The following FHOD3 variants were observed in gnomAD, a reference collection of about 807,000 sequenced individuals.
FHOD3 encodes FH1/FH2 domain-containing protein 3.
FHOD3 carries 90 observed loss-of-function variants against 173.0 expected under a neutral mutation model. The observed-to-expected ratio is 0.52, with a 90% confidence interval of 0.44 to 0.62. The LOEUF (loss-of-function observed/expected upper bound fraction) is 0.62, where lower values mean the gene tolerates loss of function less well. Ranked by LOEUF, FHOD3 falls within the 20% of genes least tolerant of loss-of-function variation. FHOD3 has a pLI of 0.00. For missense variants in FHOD3, 1,945 were observed against 2,034.7 expected, an observed-to-expected ratio of 0.96 and a Z score of 0.85; for synonymous variants, 828 against 823.0, an observed-to-expected ratio of 1.01 and a Z score of -0.10.
chr18:36,755,012 A>ATTAT (rs1555838803), intron 24 of FHOD3, 107 bp from the exon 25 acceptor site: 10 of 231,244 alleles, frequency 4.3e-5, no homozygotes, highest in South Asian at 2.4e-4. Context: ...TATTATTATT[A>ATTAT]TTATTTATTT....
rs369053164 is a variant in FHOD3, at chr18:36,765,407, T to C, written c.4625-3858T>C. Among the ~76,000 whole-genome samples the C allele has an allele frequency of 4.6e-4, 70 of 152,298 alleles. 1 individual carries two copies. The South Asian group carries it at 0.014, about 31-fold the overall frequency. ...AATGCTGACTTCAGTCTCTACGTTC[T>C]TCTATACACAAAGTCCAGTGTAATA... On this transcript the variant is annotated intron_variant, in intron 27 of 28. Coordinates refer to ENST00000590592, the MANE Select transcript of FHOD3 (RefSeq NM_001281740.3).
chr18:36,780,204 AGAGT>A lies in FHOD3; in HGVS notation c.*679_*682del, dbSNP rs2043970964. 1.6e-6 allele frequency: 2 copies of A among 1,231,534 alleles called. No homozygotes were observed. The highest frequency in any genetic ancestry group is 2.0e-6 in the Non-Finnish European group (2 of 987,758). 76.3% of individuals were successfully genotyped at this position (1,231,534 alleles called of 1,614,324 possible). Reference sequence around the variant, plus strand: ...ATCCTTTGGGCTGTATTTTGTTAATAGAGTGAGTAACATCAACAGTGTGCTCTTT... The same window carrying A: ...ATCCTTTGGGCTGTATTTTGTTAATAGAGTAACATCAACAGTGTGCTCTTT... On this transcript the variant is annotated 3_prime_UTR_variant, in exon 29 of 29. Coordinates refer to ENST00000590592, the MANE Select transcript of FHOD3 (RefSeq NM_001281740.3).
chr18:36,561,704 A>G (rs1422093227), intron 5 of FHOD3, among the ~76,000 whole-genome samples: 1 of 152,172 alleles, frequency 6.6e-6, no homozygotes, highest in Non-Finnish European at 1.5e-5. Context: ...CCCATTAGGA[A>G]CTAGCTCCTC....
intron 13 of FHOD3, among the ~76,000 whole-genome samples, chr18:36,656,247 C>T (rs551697259): frequency 2.0e-5 from 3 of 152,260 alleles, no homozygotes; most frequent in South Asian, 2.1e-4. Context: ...TGCTTTTGTG[C>T]TTCCTATGTG....
chr18:36,653,023 T>C (rs1311441739), intron 12 of FHOD3, 94 bp downstream of exon 12: 4 of 1,431,364 alleles, frequency 2.8e-6, no homozygotes, highest in Non-Finnish European at 3.7e-6. Context: ...TCTGCCATGT[T>C]TTTTTGTGGA....
At chr18:36,450,857 C>A (rs1438262601) in intron 3 of FHOD3, among the ~76,000 whole-genome samples, 2 of 152,118 alleles carry the variant, frequency 1.3e-5, no homozygotes, top group Non-Finnish European at 2.9e-5. Flanking sequence ...GAGACTTTTT[C>A]AAAAGCATGC....
Position 36,337,171 on chromosome 18 carries a change from C to CAG in FHOD3, c.166-18367_166-18366insGA, listed in dbSNP as rs1555674347. Among the ~76,000 whole-genome samples, 173 of 63,698 alleles carry CAG rather than the reference C, an allele frequency of 2.7e-3. 2 individuals carry two copies. The highest frequency in any genetic ancestry group is 2.3e-3 in the South Asian group (5 of 2,158). 41.8% of individuals were successfully genotyped at this position (63,698 alleles called of 152,430 possible). A position where few individuals can be genotyped will look rare whatever the true frequency, so the allele number is the denominator to read the frequency against. On this transcript the variant is annotated intron_variant, in intron 1 of 28. Coordinates refer to ENST00000590592, the MANE Select transcript of FHOD3 (RefSeq NM_001281740.3). Reference sequence around the variant, plus strand: ...TGGGTGAAAGAGTGAGACTCTGTCTCAAAAAAAAAAAAAAAAAAGTTAATT... The same window carrying CAG: ...TGGGTGAAAGAGTGAGACTCTGTCTCAGAAAAAAAAAAAAAAAAAAGTTAATT...
At chr18:36,488,505 T>C (rs188444834) in intron 3 of FHOD3, among the ~76,000 whole-genome samples, 1 of 152,190 alleles carries the variant, frequency 6.6e-6, no homozygotes, top group Non-Finnish European at 1.5e-5. Flanking sequence ...AGGCATCTTA[T>C]AGCCCTGAGT....
At chr18:36,303,847 G>C (rs2092019795) in intron 1 of FHOD3, among the ~76,000 whole-genome samples, 1 of 152,022 alleles carries the variant, frequency 6.6e-6, no homozygotes, top group African/African-American at 2.4e-5. Flanking sequence ...CTCCATTAGA[G>C]AGACAATCAG....
intron 1 of FHOD3, among the ~76,000 whole-genome samples, chr18:36,322,571 G>C (rs1225554479): frequency 2.6e-5 from 4 of 152,074 alleles, no homozygotes; most frequent in African/African-American, 7.2e-5. Flanking sequence ...TGGGGGATTG[G>C]TGGGCACAGT....
At chr18:36,770,686 C>A (rs757883626) in intron 28 of FHOD3, among the ~76,000 whole-genome samples, 6 of 152,066 alleles carry the variant, frequency 3.9e-5, no homozygotes, top group African/African-American at 9.7e-5. Flanking sequence ...TGCTTCTGGC[C>A]CTTGGTACAC....
intron 5 of FHOD3, among the ~76,000 whole-genome samples, 185 bp downstream of exon 5, chr18:36,512,728 G>A (rs1311284309): frequency 1.3e-5 from 2 of 152,056 alleles, no homozygotes; most frequent in Non-Finnish European, 2.9e-5. Context: ...CTAGTAATTA[G>A]CAACTGTGCT....
intron 5 of FHOD3, among the ~76,000 whole-genome samples, chr18:36,567,527 T>C (rs982995319): frequency 1.3e-5 from 2 of 152,192 alleles, no homozygotes; most frequent in East Asian, 3.8e-4. Flanking sequence ...CTATAAAACC[T>C]ATAAAGACAA....
At chr18:36,439,479 A>G (rs1316488504) in intron 3 of FHOD3, among the ~76,000 whole-genome samples, 2 of 149,338 alleles carry the variant, frequency 1.3e-5, no homozygotes, top group Non-Finnish European at 3.0e-5. Flanking sequence ...TGTGCATGTG[A>G]CTGTATTAGT....
At chr18:36,435,065 T>C (rs953832033) in intron 3 of FHOD3, among the ~76,000 whole-genome samples, 1 of 151,602 alleles carries the variant, frequency 6.6e-6, no homozygotes, top group African/African-American at 2.4e-5. Context: ...TAACCTTAAT[T>C]TACTGATGGT....
chr18:36,753,724 A>G (rs1373336435), intron 24 of FHOD3, among the ~76,000 whole-genome samples: 1 of 152,192 alleles, frequency 6.6e-6, no homozygotes, highest in African/African-American at 2.4e-5. Context: ...CATTTGTTCT[A>G]GCCTGTCTCT....
chr18:36,347,556 GAAAGT>G, intron 1 of FHOD3, among the ~76,000 whole-genome samples: 1 of 152,166 alleles, frequency 6.6e-6, no homozygotes, highest in South Asian at 2.1e-4. Context: ...ATATTTCTGA[GAAAGT>G]AAAGTCCAAC....
At chr18:36,398,974 A>ACTCATTCTT (rs1406976305) in intron 3 of FHOD3, among the ~76,000 whole-genome samples, 1 of 151,796 alleles carries the variant, frequency 6.6e-6, no homozygotes, top group African/African-American at 2.4e-5. Context: ...CTAGCTCTGA[A>ACTCATTCTT]CTCATTCTTC....
chr18:36,474,637 T>C (rs1363485643), intron 3 of FHOD3, among the ~76,000 whole-genome samples: 1 of 151,888 alleles, frequency 6.6e-6, no homozygotes, highest in Non-Finnish European at 1.5e-5. Flanking sequence ...CAGAGTGAGG[T>C]AGGGTGGCGG....
Sources: gnomAD v4.1 joint callset for allele counts (sites outside exome capture counted in the v4.1 genomes callset) on GRCh38, gnomAD v4.1.1 for gene constraint, MANE v1.5 for transcripts, NCBI Gene and HGNC (gene_info 2026-07-23, HGNC 2026-07-21) for gene names.